The following KLHL22 variants were observed in gnomAD, a reference collection of about 807,000 sequenced individuals.
KLHL22 encodes the protein kelch-like protein 22.
Under a neutral mutation model 60.7 loss-of-function variants are expected in KLHL22, and 18 were observed. That is an observed-to-expected ratio of 0.30 (90% CI 0.20 to 0.44). The LOEUF (loss-of-function observed/expected upper bound fraction) is 0.44. Ranked by LOEUF, KLHL22 falls within the 20% of genes least tolerant of loss-of-function variation. The probability of loss-of-function intolerance (pLI) is 1.00; values close to 1 mark genes in which losing one functional copy is unlikely to be tolerated. For synonymous variants in KLHL22, 355 were observed against 354.5 expected (o/e 1.00, Z -0.01); for missense variants, 596 against 852.3 (o/e 0.70, Z 3.74).
chr22:20,448,125 G>A (rs755517004), intron 5 of KLHL22, among the ~76,000 whole-genome samples: 1 of 152,156 alleles, frequency 6.6e-6, no homozygotes, highest in Non-Finnish European at 1.5e-5. Flanking sequence ...TATTTCTACA[G>A]TTTTGTAACT....
In KLHL22 at chr22:20,441,754, C is replaced by T. The variant is rs913045877; in HGVS notation, c.*319G>A. On this transcript the variant is annotated 3_prime_UTR_variant, in exon 7 of 7. Transcript: ENST00000328879. ...AGCCCCCCTGCCCAGGCTGCCAGCT[C>T]CCAGGTCCTTTTGGAGAAGGACTGA... The T allele has an allele frequency of 2.7e-4, 75 of 280,226 alleles. 1 individual carries two copies. The East Asian group carries it at 4.7e-3, about 18-fold the overall frequency. The allele number at this position is 280,226 out of a possible 1,614,324, so 17.4% of individuals were successfully genotyped here. A position where few individuals can be genotyped will look rare whatever the true frequency, so the allele number is the denominator to read the frequency against.
At chr22:20,453,237 C>CA (rs540715156) in intron 5 of KLHL22, among the ~76,000 whole-genome samples, 64 of 144,588 alleles carry the variant, frequency 4.4e-4, no homozygotes, top group Admixed American at 1.4e-3. Flanking sequence ...TCAATGGTCT[C>CA]AAAAAAAAAA....
At chr22:20,473,443 T>A (rs2053359770) in intron 2 of KLHL22, among the ~76,000 whole-genome samples, 1 of 152,140 alleles carries the variant, frequency 6.6e-6, no homozygotes, top group African/African-American at 2.4e-5. Flanking sequence ...ACTGATTAGG[T>A]GTTTGGAGGT....
Position 20,465,407 on chromosome 22 carries a change from T to A in KLHL22, c.563A>T (p.Tyr188Phe). 1 of 1,614,172 alleles carries A rather than the reference T, an allele frequency of 6.2e-7. No individual in the cohort carries two copies. Among genetic ancestry groups the A allele is most frequent in the South Asian group, 1.1e-5 (1 of 91,082 alleles). The change falls in exon 4 of 7, where the codon TAC (tyrosine) becomes TTC (phenylalanine). Residue 188 changes from tyrosine (Y) to phenylalanine (F), a missense_variant. Transcript: ENST00000328879. This position sits in a 1 kb window ranked among gnomAD's most constrained non-coding sequence, Gnocchi z 4.9. ...NFVAFSRTDK[Y>F]RQLPLEKVYS... ...GACCTTCTCCAATGGAAGCTGGCGG[T>A]ACTTGTCAGTCCGAGAGAAGGCCAC...
chr22:20,483,439 C>G (rs1242072325), intron 2 of KLHL22: 15 of 794,362 alleles, frequency 1.9e-5, no homozygotes, highest in Admixed American at 1.4e-4. Flanking sequence ...GTCTTGTAGG[C>G]CTTTTACTTC....
At chr22:20,477,654 G>C (rs1185548689) in intron 2 of KLHL22, among the ~76,000 whole-genome samples, 7 of 152,132 alleles carry the variant, frequency 4.6e-5, no homozygotes, top group Admixed American at 4.6e-4. Context: ...ATGAATGGAG[G>C]GAGGAGAAAG....
At chr22:20,464,607 G>A (rs1185922431) in intron 4 of KLHL22, among the ~76,000 whole-genome samples, 1 of 152,130 alleles carries the variant, frequency 6.6e-6, no homozygotes, top group Admixed American at 6.5e-5. Context: ...ACCCCAAAGA[G>A]GCTGAGCAAG....
At chr22:20,470,536 C>T (rs2053298199) in intron 3 of KLHL22, among the ~76,000 whole-genome samples, 1 of 151,992 alleles carries the variant, frequency 6.6e-6, no homozygotes, top group Admixed American at 6.6e-5. Flanking sequence ...TAGGTCCTAG[C>T]TATTTGGGAG....
chr22:20,467,832 G>A (rs906042213), intron 3 of KLHL22, among the ~76,000 whole-genome samples: 1 of 152,042 alleles, frequency 6.6e-6, no homozygotes, highest in Non-Finnish European at 1.5e-5. Context: ...CTAATTTTTT[G>A]TATTTTTAGT....
intron 2 of KLHL22, chr22:20,483,163 A>G (rs2053533089): frequency 1.6e-6 from 1 of 633,448 alleles, no homozygotes; most frequent in Non-Finnish European, 2.9e-6. Flanking sequence ...TGGCCTTCAG[A>G]TTTCTCAAGG....
At chr22:20,454,744 G>A (rs2053035783) in intron 5 of KLHL22, among the ~76,000 whole-genome samples, 1 of 152,220 alleles carries the variant, frequency 6.6e-6, no homozygotes, top group African/African-American at 2.4e-5. Context: ...GGTTGGGAAA[G>A]AACTGACATT....
At chr22:20,451,301 G>A (rs1187558169) in intron 5 of KLHL22, 1 of 1,607,458 alleles carries the variant, frequency 6.2e-7, no homozygotes, top group South Asian at 1.1e-5. Context: ...CGTCACACCA[G>A]TATGGAGCGG....
intron 4 of KLHL22, among the ~76,000 whole-genome samples, chr22:20,459,455 G>T (rs182375352): frequency 1.2e-4 from 19 of 152,148 alleles, no homozygotes; most frequent in African/African-American, 4.1e-4. Flanking sequence ...TGTCTAGCTG[G>T]GTGTGCCTGG....
chr22:20,478,508 C>CTTTTTTTTTT (rs1196419660), intron 2 of KLHL22, among the ~76,000 whole-genome samples: 1 of 67,684 alleles, frequency 1.5e-5, no homozygotes, highest in Non-Finnish European at 2.8e-5. Flanking sequence ...AAACTTAATT[C>CTTTTTTTTTT]TTTTTTTTTT....
chr22:20,492,613 G>A (rs930543661), intron 1 of KLHL22, among the ~76,000 whole-genome samples: 16 of 149,494 alleles, frequency 1.1e-4, no homozygotes, highest in South Asian at 6.3e-4. Flanking sequence ...TTTTTTAGAC[G>A]GAGTCTCGCT....
chr22:20,477,887 A>C (rs2053439175), intron 2 of KLHL22, among the ~76,000 whole-genome samples: 2 of 152,166 alleles, frequency 1.3e-5, no homozygotes, highest in South Asian at 4.1e-4. Context: ...ACATGGCTCA[A>C]TCATAAATTT....
At chr22:20,485,543 C>A (rs757566665) in intron 2 of KLHL22, among the ~76,000 whole-genome samples, 1 of 151,992 alleles carries the variant, frequency 6.6e-6, no homozygotes, top group Non-Finnish European at 1.5e-5. Context: ...CTCAGGTGGG[C>A]CAAAGAAGAA....
chr22:20,449,366 G>A (rs543547339), intron 5 of KLHL22, among the ~76,000 whole-genome samples: 1 of 148,332 alleles, frequency 6.7e-6, no homozygotes, highest in African/African-American at 2.5e-5. Context: ...GGCTTCTTTT[G>A]CCCTCTTTTT....
chr22:20,470,349 T>TAAA (rs58617703), intron 3 of KLHL22, among the ~76,000 whole-genome samples: 2 of 139,014 alleles, frequency 1.4e-5, no homozygotes. Flanking sequence ...ACCCTGTCTT[T>TAAA]AAAAAAAAAA....
Sources: gnomAD v4.1 joint callset for allele counts (sites outside exome capture counted in the v4.1 genomes callset) on GRCh38, gnomAD v4.1.1 for gene constraint, Gnocchi (gnomAD v3.1) non-coding constraint, MANE v1.5 for transcripts, NCBI Gene and HGNC (gene_info 2026-07-23, HGNC 2026-07-21) for gene names.